Variants in PGBD5 observed in about 807,000 individuals in gnomAD.
PGBD5 encodes piggyBac transposable element-derived protein 5.
PGBD5 carries 14 observed loss-of-function variants against 47.9 expected under a neutral mutation model. The ratio of observed to expected loss-of-function variants is 0.29; its 90% CI spans 0.19 to 0.46. The LOEUF (loss-of-function observed/expected upper bound fraction) is 0.46. Ranked by LOEUF, PGBD5 falls within the 20% of genes least tolerant of loss-of-function variation. The probability of loss-of-function intolerance (pLI) is 1.00; values close to 1 mark genes in which losing one functional copy is unlikely to be tolerated. For synonymous variants in PGBD5, 316 were observed against 306.3 expected (o/e 1.03, Z -0.33); for missense variants, 635 against 716.0 (o/e 0.89, Z 1.29).
chr1:230,318,112 G>A lies in PGBD5; in HGVS notation c.*5313C>T, dbSNP rs12132033. ...TGCTGGAGAACTGGGGTGCGCACTG[G>A]GCACCCCAGGGAGGGAGGGACACAG... is the stretch of plus-strand genomic sequence containing the variant. On this transcript the variant is annotated 3_prime_UTR_variant, in exon 7 of 7. Transcript: ENST00000391860. 3,370 of 152,368 alleles carry A rather than the reference G, an allele frequency of 0.022. 61 individuals are homozygous for A. Among genetic ancestry groups the A allele is most frequent in the South Asian group, 0.067 (325 of 4,826 alleles). 9.4% of individuals were successfully genotyped at this position (152,368 alleles called of 1,614,324 possible). A position where few individuals can be genotyped will look rare whatever the true frequency, so the allele number is the denominator to read the frequency against.
At chr1:230,348,088 G>A (rs1428178239) in intron 3 of PGBD5, among the ~76,000 whole-genome samples, 2 of 152,192 alleles carry the variant, frequency 1.3e-5, no homozygotes, top group Non-Finnish European at 2.9e-5. Flanking sequence ...AATGGGAGAG[G>A]ACCCTTAATA....
chr1:230,390,945 G>C lies in PGBD5; in HGVS notation c.332-33624C>G, dbSNP rs1028633372. Among the ~76,000 whole-genome samples, 3 of 152,182 alleles carry C rather than the reference G, an allele frequency of 2.0e-5. No individual in the cohort carries two copies. The East Asian group carries it at 5.8e-4, about 29-fold the overall frequency. On this transcript the variant is annotated intron_variant, in intron 1 of 6. Coordinates refer to ENST00000391860, the MANE Select transcript of PGBD5 (RefSeq NM_001258311.2). ...AGTAGAGACAGGGTTTCATCATGTT[G>C]GTCAGGCTGGTCTCAAACTCCTGAG...
At chr1:230,379,184 C>T (rs1668056838) in intron 1 of PGBD5, among the ~76,000 whole-genome samples, 1 of 152,184 alleles carries the variant, frequency 6.6e-6, no homozygotes, top group South Asian at 2.1e-4. Flanking sequence ...TGCCAAACCT[C>T]ACCCACCTGC....
chr1:230,371,936 C>T (rs1217023492), intron 1 of PGBD5, among the ~76,000 whole-genome samples: 1 of 152,088 alleles, frequency 6.6e-6, no homozygotes, highest in Admixed American at 6.5e-5. Context: ...CTACCTAAGC[C>T]CAGAGGATGA....
intron 6 of PGBD5, among the ~76,000 whole-genome samples, chr1:230,324,114 T>C (rs1260361101): frequency 6.6e-6 from 1 of 152,202 alleles, no homozygotes; most frequent in Non-Finnish European, 1.5e-5. Flanking sequence ...AGGTCACCCC[T>C]CCGGGAAGCC....
intron 1 of PGBD5, among the ~76,000 whole-genome samples, chr1:230,393,076 G>GAGGAGGAAGAGGA (rs1243041469): frequency 1.3e-5 from 2 of 149,382 alleles, no homozygotes; most frequent in African/African-American, 2.5e-5. Flanking sequence ...GGGGAAGGCG[G>GAGGAGGAAGAGGA]AGGAGGAAGA....
intron 1 of PGBD5, among the ~76,000 whole-genome samples, chr1:230,392,871 G>A (rs1000917805): frequency 1.3e-5 from 2 of 152,012 alleles, no homozygotes; most frequent in African/African-American, 4.8e-5. Context: ...AGACCCCGTG[G>A]GGTTCAGCCC....
At chr1:230,397,116 C>T (rs978771097) in intron 1 of PGBD5, among the ~76,000 whole-genome samples, 1 of 152,220 alleles carries the variant, frequency 6.6e-6, no homozygotes, top group Non-Finnish European at 1.5e-5. Flanking sequence ...CAAGACTCCA[C>T]TGAGGCCTCC....
At chr1:230,391,072 A>T (rs1450303237) in intron 1 of PGBD5, among the ~76,000 whole-genome samples, 1 of 148,512 alleles carries the variant, frequency 6.7e-6, no homozygotes, top group African/African-American at 2.5e-5. Context: ...TCCATTTCAT[A>T]GTGACTAGTC....
intron 1 of PGBD5, among the ~76,000 whole-genome samples, chr1:230,404,141 T>C (rs371240327): frequency 3.9e-5 from 6 of 152,048 alleles, no homozygotes; most frequent in African/African-American, 1.4e-4. Flanking sequence ...TGAGGGTGCA[T>C]CCTGAGACCT....
rs765452589 is a variant in PGBD5, at chr1:230,316,754, A to C, written c.*6671T>G. The stretch of plus-strand genomic sequence containing the variant: ...GGCACCATACTTCCTTGGAGAAAAC[A>C]GAAGCAAGCATAAGACACTGTGGAA... On this transcript the variant is annotated 3_prime_UTR_variant, in exon 7 of 7. Coordinates refer to ENST00000391860, the MANE Select transcript of PGBD5 (RefSeq NM_001258311.2). The C allele has an allele frequency of 7.9e-5, 12 of 152,126 alleles. No homozygotes were observed. 9.4% of individuals were successfully genotyped at this position (152,126 alleles called of 1,614,324 possible). A position where few individuals can be genotyped will look rare whatever the true frequency, so the allele number is the denominator to read the frequency against.
chr1:230,373,259 T>C (rs1022318852), intron 1 of PGBD5, among the ~76,000 whole-genome samples: 4 of 152,214 alleles, frequency 2.6e-5, no homozygotes, highest in Admixed American at 6.5e-5. Flanking sequence ...TCTTCAGGAA[T>C]GAGCACAGCA....
intron 1 of PGBD5, among the ~76,000 whole-genome samples, chr1:230,399,339 T>C (rs1338830229): frequency 6.6e-6 from 1 of 152,160 alleles, no homozygotes; most frequent in Non-Finnish European, 1.5e-5. Context: ...ATACACTTGG[T>C]GTCTTCTCAG....
chr1:230,397,623 T>C (rs1356161361), intron 1 of PGBD5, among the ~76,000 whole-genome samples: 5 of 152,312 alleles, frequency 3.3e-5, no homozygotes, highest in East Asian at 1.9e-4. Context: ...GACATAAAAA[T>C]AGCTCTGGGA....
chr1:230,394,702 A>C (rs1275747891), intron 1 of PGBD5, among the ~76,000 whole-genome samples: 57 of 54,698 alleles, frequency 1.0e-3, no homozygotes, highest in South Asian at 2.0e-3. Flanking sequence ...TCCTCTCCTC[A>C]CGCTCCTCCC....
chr1:230,352,925 C>G (rs1315253494), intron 2 of PGBD5, among the ~76,000 whole-genome samples: 2 of 152,166 alleles, frequency 1.3e-5, no homozygotes, highest in African/African-American at 4.8e-5. Flanking sequence ...GAGGCCACAG[C>G]AAATGAAAAT....
chr1:230,361,832 G>C (rs564348058), intron 1 of PGBD5, among the ~76,000 whole-genome samples: 5 of 152,228 alleles, frequency 3.3e-5, no homozygotes, highest in Non-Finnish European at 5.9e-5. Context: ...CCTACAAGAA[G>C]GGCCCCAAAC....
chr1:230,375,794 G>A (rs1351079191), intron 1 of PGBD5, among the ~76,000 whole-genome samples: 1 of 151,580 alleles, frequency 6.6e-6, no homozygotes, highest in African/African-American at 2.4e-5. Context: ...CAGCTGTCAG[G>A]AGCACTTCTA....
intron 1 of PGBD5, among the ~76,000 whole-genome samples, chr1:230,374,064 T>C (rs1250516153): frequency 6.6e-6 from 1 of 152,144 alleles, no homozygotes; most frequent in East Asian, 1.9e-4. Context: ...GTCTGGAATA[T>C]TCATGATATA....
Sources: allele counts gnomAD v4.1 joint callset (sites outside exome capture counted in the v4.1 genomes callset), GRCh38; gene constraint gnomAD v4.1.1; transcripts MANE v1.5; gene names NCBI Gene and HGNC (gene_info 2026-07-23, HGNC 2026-07-21).